Variants in OLA1 observed in about 807,000 individuals in gnomAD.
OLA1 encodes Obg like ATPase 1.
A neutral mutation model predicts 48.4 loss-of-function variants in OLA1; 14 were observed. That is an observed-to-expected ratio of 0.29 (90% CI 0.19 to 0.45). The LOEUF (loss-of-function observed/expected upper bound fraction) is 0.45. Among genes scored for constraint, OLA1 ranks in the 20% least tolerant of loss-of-function variants. The pLI, the probability that OLA1 is intolerant of heterozygous loss-of-function variation, is 1.00. For synonymous variants in OLA1, 127 were observed against 150.4 expected (o/e 0.84, Z 1.14); for missense variants, 325 against 467.1 (o/e 0.70, Z 2.80).
At position 174,125,964 on chromosome 2, in the gene OLA1, C is replaced by T. The variant is rs1189027262; in HGVS notation, c.550-2289G>A. On this transcript the variant is annotated intron_variant, in intron 5 of 10. Transcript: ENST00000284719. Reference sequence around the variant, plus strand: ...CTCAGTGCTCTCTTAATTATTCCCACAAAAGATTTAACAGCCAAGAAAAGA... The same window carrying T: ...CTCAGTGCTCTCTTAATTATTCCCATAAAAGATTTAACAGCCAAGAAAAGA... 5.3e-5 allele frequency among the ~76,000 whole-genome samples: 8 copies of T among 152,166 alleles called. No homozygotes were observed. The East Asian group carries it at 1.5e-3, about 29-fold the overall frequency.
At chr2:174,165,725 C>T (rs912309833) in intron 4 of OLA1, among the ~76,000 whole-genome samples, 1 of 152,186 alleles carries the variant, frequency 6.6e-6, no homozygotes, top group Non-Finnish European at 1.5e-5. Flanking sequence ...ATTAGCTTAT[C>T]AAATTAAATA....
At chr2:174,194,074 T>C (rs1326049988) in intron 4 of OLA1, among the ~76,000 whole-genome samples, 5 of 152,322 alleles carry the variant, frequency 3.3e-5, no homozygotes, top group Admixed American at 2.0e-4. Flanking sequence ...TTGCTGTGCT[T>C]ACTACCTCCT....
chr2:174,191,255 A>G (rs1312508160), intron 4 of OLA1, among the ~76,000 whole-genome samples: 2 of 152,190 alleles, frequency 1.3e-5, no homozygotes, highest in Non-Finnish European at 2.9e-5. Flanking sequence ...ATATGTATAT[A>G]CAGAAAAATA....
chr2:174,227,370 G>A (rs1283949026), intron 3 of OLA1, among the ~76,000 whole-genome samples: 2 of 152,144 alleles, frequency 1.3e-5, no homozygotes, highest in Admixed American at 1.3e-4. Flanking sequence ...TGAATTAGAT[G>A]GTAATATGGG....
chr2:174,084,298 C>T (rs1266798266), intron 7 of OLA1, among the ~76,000 whole-genome samples: 2 of 152,110 alleles, frequency 1.3e-5, no homozygotes, highest in African/African-American at 2.4e-5. Context: ...CCTGCTATAG[C>T]CTCACTAAAA....
intron 2 of OLA1, among the ~76,000 whole-genome samples, chr2:174,230,808 A>T (rs1270320079): frequency 1.3e-5 from 2 of 152,200 alleles, no homozygotes; most frequent in Admixed American, 1.3e-4. Flanking sequence ...GCAGTCCAAC[A>T]ATCCCAACCA....
intron 4 of OLA1, among the ~76,000 whole-genome samples, chr2:174,195,449 T>A (rs917924436): frequency 6.6e-6 from 1 of 152,208 alleles, no homozygotes; most frequent in African/African-American, 2.4e-5. Flanking sequence ...CTGAAAGGCC[T>A]TCTCAGGCAG....
intron 5 of OLA1, among the ~76,000 whole-genome samples, chr2:174,125,177 T>C (rs1183670321): frequency 6.6e-6 from 1 of 152,242 alleles, no homozygotes; most frequent in Non-Finnish European, 1.5e-5. Flanking sequence ...CCCATAGATC[T>C]CACTTGGCAC....
intron 7 of OLA1, among the ~76,000 whole-genome samples, chr2:174,083,751 T>C (rs1327643260): frequency 7.9e-5 from 12 of 152,134 alleles, no homozygotes. Context: ...AAATCAAATA[T>C]GTAATTTTAA....
chr2:174,223,599 A>G (rs1194102384), intron 3 of OLA1, among the ~76,000 whole-genome samples: 2 of 152,092 alleles, frequency 1.3e-5, no homozygotes, highest in African/African-American at 2.4e-5. Context: ...AATCAACTCT[A>G]TAAGATGGAT....
intron 7 of OLA1, among the ~76,000 whole-genome samples, chr2:174,121,349 AG>A (rs1166758265): frequency 2.0e-5 from 3 of 152,174 alleles, no homozygotes; most frequent in Admixed American, 1.3e-4. Flanking sequence ...AGGGATGCAC[AG>A]GGGGTAGTCA....
chr2:174,209,415 T>A (rs1000386451), intron 4 of OLA1, among the ~76,000 whole-genome samples: 1 of 152,168 alleles, frequency 6.6e-6, no homozygotes, highest in African/African-American at 2.4e-5. Flanking sequence ...ATCCCAAGTA[T>A]ACATAATTTC....
rs564859994 is a variant in OLA1, at chr2:174,194,261, T to C, written c.373+28772A>G. On this transcript the variant is annotated intron_variant, in intron 4 of 10. Transcript: ENST00000284719. ...CCCATCCACTAGTGAAGAAAGAATA[T>C]ACAAGAGGGTACCAGGTTCCCCAAT... 3.3e-5 allele frequency among the ~76,000 whole-genome samples: 5 copies of C among 152,266 alleles called. No individual in the cohort carries two copies. In the South Asian group the frequency reaches 8.3e-4, roughly 25 times the overall value.
intron 7 of OLA1, among the ~76,000 whole-genome samples, chr2:174,091,935 C>T (rs1574475879): frequency 7.8e-6 from 1 of 128,092 alleles, no homozygotes; most frequent in African/African-American, 2.9e-5. Context: ...TTCTGCCAAT[C>T]TCTATTCCCT....
chr2:174,123,983 T>C (rs1685983288), intron 5 of OLA1, among the ~76,000 whole-genome samples: 1 of 152,100 alleles, frequency 6.6e-6, no homozygotes. Flanking sequence ...TATTACCTAG[T>C]GATGCCATAT....
At chr2:174,209,474 C>A (rs561700314) in intron 4 of OLA1, among the ~76,000 whole-genome samples, 1 of 152,168 alleles carries the variant, frequency 6.6e-6, no homozygotes, top group South Asian at 2.1e-4. Context: ...CTGGGCCGGG[C>A]TAGGTTTCCT....
chr2:174,102,461 G>A (rs895294204), intron 7 of OLA1, among the ~76,000 whole-genome samples: 7 of 151,430 alleles, frequency 4.6e-5, no homozygotes, highest in Non-Finnish European at 8.8e-5. Flanking sequence ...CCAAGCAGAA[G>A]AGGGTGTCAT....
chr2:174,187,829 T>G (rs1687689367), intron 4 of OLA1, among the ~76,000 whole-genome samples: 2 of 152,196 alleles, frequency 1.3e-5, no homozygotes, highest in South Asian at 4.1e-4. Flanking sequence ...AAGCCACATA[T>G]GTTGTTGCCA....
At chr2:174,170,707 A>G (rs1360228267) in intron 4 of OLA1, among the ~76,000 whole-genome samples, 2 of 152,294 alleles carry the variant, frequency 1.3e-5, no homozygotes, top group East Asian at 1.9e-4. Context: ...AGATCAGCCG[A>G]GGCAACATAG....
Sources: gnomAD v4.1 joint callset for allele counts (sites outside exome capture counted in the v4.1 genomes callset) on GRCh38, gnomAD v4.1.1 for gene constraint, MANE v1.5 for transcripts, NCBI Gene and HGNC (gene_info 2026-07-23, HGNC 2026-07-21) for gene names.